Variants in KIF14 observed in about 807,000 individuals in gnomAD.
KIF14 encodes the protein kinesin-like protein KIF14.
In KIF14, 98 loss-of-function variants were observed where a neutral mutation model predicts 176.2. That is an observed-to-expected ratio of 0.56 (90% CI 0.47 to 0.66). KIF14 has a LOEUF of 0.66. Among genes scored for constraint, KIF14 ranks in the 30% least tolerant of loss-of-function variants. The pLI, the probability that KIF14 is intolerant of heterozygous loss-of-function variation, is 0.00. For synonymous variants in KIF14, 566 were observed against 632.2 expected, an observed-to-expected ratio of 0.90 and a Z score of 1.57; for missense variants, 1,751 against 1,920.4, an observed-to-expected ratio of 0.91 and a Z score of 1.65.
At chr1:200,589,486 T>A in intron 17 of KIF14, 117 bp from the exon 18 acceptor site, 2 of 788,084 alleles carry the variant, frequency 2.5e-6, no homozygotes, top group Non-Finnish European at 3.9e-6. Context: ...GTTGCCCTAT[T>A]AAAGCTTCTC....
At chr1:200,577,214 T>C (rs149647401) in intron 21 of KIF14, among the ~76,000 whole-genome samples, 3,552 of 151,356 alleles carry the variant, frequency 0.023, 50 homozygotes, top group Non-Finnish European at 0.035. Flanking sequence ...ATCCCAGATA[T>C]TCAGAAAGCC....
At chr1:200,555,278 T>C (rs1334678256) in intron 28 of KIF14, 102 bp downstream of exon 28, 1 of 725,266 alleles carries the variant, frequency 1.4e-6, no homozygotes, top group Non-Finnish European at 2.3e-6. Context: ...AAAAGAGTTG[T>C]CTCTGGCTAA....
intron 21 of KIF14, among the ~76,000 whole-genome samples, chr1:200,577,953 G>GT (rs1268942507): frequency 1.4e-5 from 2 of 145,782 alleles, no homozygotes; most frequent in African/African-American, 5.1e-5. Context: ...CCTACACTTT[G>GT]TTGTTTTTTT....
intron 14 of KIF14, among the ~76,000 whole-genome samples, chr1:200,594,610 G>T (rs1395969239): frequency 6.6e-6 from 1 of 152,116 alleles, no homozygotes; most frequent in Non-Finnish European, 1.5e-5. Flanking sequence ...GGATGATAAG[G>T]TGATACTGTG....
intron 16 of KIF14, among the ~76,000 whole-genome samples, chr1:200,591,005 C>T (rs896250900): frequency 4.6e-5 from 7 of 150,816 alleles, no homozygotes; most frequent in South Asian, 2.1e-4. Context: ...CCAGCCTAGA[C>T]GACAGAGCCA....
intron 19 of KIF14, among the ~76,000 whole-genome samples, chr1:200,582,144 C>A (rs1171607444): frequency 6.6e-6 from 1 of 152,114 alleles, no homozygotes; most frequent in African/African-American, 2.4e-5. Context: ...GAGGCTGAGG[C>A]AGGAGGATCA....
chr1:200,586,244 C>T lies in KIF14; in HGVS notation c.3115-17G>A. The stretch of plus-strand genomic sequence containing the variant: ...TTCTAAAGCCTAATTGATATTCATT[C>T]ATACAGACCCACATGTGAGAATATG... On this transcript the variant is annotated splice_polypyrimidine_tract_variant and intron_variant, in intron 18 of 29. Coordinates refer to ENST00000367350, the MANE Select transcript of KIF14 (RefSeq NM_014875.3). 6.5e-7 allele frequency: 1 copy of T among 1,542,056 alleles called. No individual in the cohort carries two copies. Among genetic ancestry groups the T allele is most frequent in the Non-Finnish European group, 8.8e-7 (1 of 1,136,654 alleles).
intron 29 of KIF14, among the ~76,000 whole-genome samples, chr1:200,554,103 G>T (rs999040299): frequency 1.3e-5 from 2 of 152,078 alleles, no homozygotes; most frequent in Non-Finnish European, 2.9e-5. Flanking sequence ...AAAAAGGAAA[G>T]ATGTCAGCCG....
At chr1:200,567,470 G>A (rs974428563) in intron 23 of KIF14, among the ~76,000 whole-genome samples, 5 of 151,210 alleles carry the variant, frequency 3.3e-5, no homozygotes, top group Non-Finnish European at 7.4e-5. Flanking sequence ...GCGTGAACCC[G>A]GGAGGCGCAG....
At position 200,551,690 on chromosome 1, in the gene KIF14, A is replaced by G. The variant is rs1656542016; in HGVS notation, c.*1698T>C. The G allele has an allele frequency of 6.6e-6, 1 of 152,260 alleles. No homozygotes were observed. The highest frequency in any genetic ancestry group is 2.4e-5 in the African/African-American group (1 of 41,476). 9.4% of individuals were successfully genotyped at this position (152,260 alleles called of 1,614,324 possible). ...CTGACCAATTAAGTCATGAGTTTACAAAGCACAAACTGAAGATTAAATACT... is the reference window on the plus strand; with the variant it reads ...CTGACCAATTAAGTCATGAGTTTACGAAGCACAAACTGAAGATTAAATACT... On this transcript the variant is annotated 3_prime_UTR_variant, in exon 30 of 30. Coordinates refer to ENST00000367350, the MANE Select transcript of KIF14 (RefSeq NM_014875.3).
At chr1:200,556,195 C>A (rs550564887) in intron 27 of KIF14, among the ~76,000 whole-genome samples, 1 of 152,186 alleles carries the variant, frequency 6.6e-6, no homozygotes, top group African/African-American at 2.4e-5. Flanking sequence ...CAATGCTGCC[C>A]CCTAAGGTGC....
intron 10 of KIF14, 134 bp downstream of exon 10, chr1:200,603,092 G>C: frequency 2.0e-6 from 1 of 507,242 alleles, no homozygotes; most frequent in Admixed American, 3.1e-5. Context: ...TTCAAATCCA[G>C]GTAGTTTGGC....
chr1:200,586,580 G>A (rs1425932857), intron 18 of KIF14, among the ~76,000 whole-genome samples: 1 of 150,794 alleles, frequency 6.6e-6, no homozygotes, highest in Non-Finnish European at 1.5e-5. Context: ...AGGAATTTTT[G>A]ATGACATAAA....
At chr1:200,568,021 C>A (rs1354611547) in intron 23 of KIF14, among the ~76,000 whole-genome samples, 1 of 152,054 alleles carries the variant, frequency 6.6e-6, no homozygotes, top group Non-Finnish European at 1.5e-5. Flanking sequence ...TTTAGAAAGA[C>A]CTGCAAAAAT....
rs111513253 is a variant in KIF14, at chr1:200,603,484, T to C, written c.1864-143A>G. ...TTTTTTGAGACAGAGTCTCACTCTG[T>C]TGCCCAGGCTGGAGTGCAGTGGCAT... On this transcript the variant is annotated intron_variant, in intron 9 of 29. Coordinates refer to ENST00000367350, the MANE Select transcript of KIF14 (RefSeq NM_014875.3). 1,183 of 581,420 alleles carry C rather than the reference T, an allele frequency of 2.0e-3. 7 individuals carry two copies. Among genetic ancestry groups the C allele is most frequent in the Non-Finnish European group, 3.0e-3 (973 of 327,102 alleles). 36.0% of individuals were successfully genotyped at this position (581,420 alleles called of 1,614,324 possible). A position where few individuals can be genotyped will look rare whatever the true frequency, so the allele number is the denominator to read the frequency against.
chr1:200,573,427 C>CTTTTTTTTTTTTTTT lies in KIF14; in HGVS notation c.3566+2149_3566+2163dup, dbSNP rs869174532. Among the ~76,000 whole-genome samples, 77 of 77,744 alleles carry CTTTTTTTTTTTTTTT rather than the reference C, an allele frequency of 9.9e-4. 8 individuals carry two copies. The highest frequency in any genetic ancestry group is 2.4e-3 in the African/African-American group (42 of 17,558). 51.0% of individuals were successfully genotyped at this position (77,744 alleles called of 152,430 possible). On this transcript the variant is annotated intron_variant, in intron 22 of 29. Coordinates refer to ENST00000367350, the MANE Select transcript of KIF14 (RefSeq NM_014875.3). ...TTCCCTACACTCAAGGAGCTCATTT[C>CTTTTTTTTTTTTTTT]TTTTTTTTTTTTTTTTTTTTTTTTG... is the stretch of plus-strand genomic sequence containing the variant.
rs559146352 is a variant in KIF14, at chr1:200,611,685, C to A, written c.1455+2633G>T. Among the ~76,000 whole-genome samples, 4 of 152,290 alleles carry A rather than the reference C, an allele frequency of 2.6e-5. No individual in the cohort carries two copies. In the South Asian group the frequency reaches 6.2e-4, roughly 24 times the overall value. On this transcript the variant is annotated intron_variant, in intron 4 of 29. Transcript: ENST00000367350. ...TTTTTCTTCTCCTCTGAGGCTCCTG[C>A]CATCATGCTCGCTATACCACCTTCT...
rs761882136 is a variant in KIF14, at chr1:200,618,357, G to A, written c.367C>T (p.Arg123Cys). The change falls in exon 2 of 30, where the codon CGT becomes TGT. Residue 123 changes from arginine (R) to cysteine (C), a missense_variant. Physicochemically the swap from Arg to Cys is radical, Grantham distance 180 (BLOSUM62 -3). Transcript: ENST00000367350. Reference protein sequence around the residue: ...KTAETRLTLQRRAKTDSAEKW... With the variant: ...KTAETRLTLQCRAKTDSAEKW... ...TCTGCAGAATCTGTTTTAGCACGACGTTGTAATGTAAGACGTGTTTCTGCT... is the reference window on the plus strand; with the variant it reads ...TCTGCAGAATCTGTTTTAGCACGACATTGTAATGTAAGACGTGTTTCTGCT... 3.0e-5 allele frequency: 48 copies of A among 1,613,932 alleles called. No homozygotes were observed. The highest frequency in any genetic ancestry group is 1.3e-4 in the African/African-American group (10 of 74,918).
chr1:200,594,710 G>A (rs189223369), intron 14 of KIF14, among the ~76,000 whole-genome samples: 9 of 152,246 alleles, frequency 5.9e-5, no homozygotes, highest in East Asian at 1.9e-4. Flanking sequence ...TTGGATTAAC[G>A]GGATAGAAAG....
Sources: allele counts gnomAD v4.1 joint callset (sites outside exome capture counted in the v4.1 genomes callset), GRCh38; gene constraint gnomAD v4.1.1; transcripts MANE v1.5; gene names NCBI Gene and HGNC (gene_info 2026-07-23, HGNC 2026-07-21).